The following GRIP2 variants were observed in gnomAD, a reference collection of about 807,000 sequenced individuals.
GRIP2 encodes the protein glutamate receptor-interacting protein 2.
In GRIP2, 58 loss-of-function variants were observed where a neutral mutation model predicts 108.3. That is an observed-to-expected ratio of 0.54 (90% CI 0.43 to 0.67). The LOEUF (loss-of-function observed/expected upper bound fraction) is 0.67, where lower values mean the gene tolerates loss of function less well. Ranked by LOEUF, GRIP2 falls within the 30% of genes least tolerant of loss-of-function variation. GRIP2 has a pLI of 0.00. For synonymous variants in GRIP2, 586 were observed against 598.2 expected, an observed-to-expected ratio of 0.98 and a Z score of 0.30; for missense variants, 1,278 against 1,430.6, an observed-to-expected ratio of 0.89 and a Z score of 1.72.
intron 8 of GRIP2, 30 bp from the exon 9 acceptor site, chr3:14,520,309 C>G: frequency 6.2e-7 from 1 of 1,611,588 alleles, no homozygotes; most frequent in South Asian, 1.1e-5. Context: ...AAGGCGGAGG[C>G]TGGTCCAGGC....
chr3:14,585,464 A>G, the GRIP2 span, among the ~76,000 whole-genome samples: 1 of 152,250 alleles, frequency 6.6e-6, no homozygotes, highest in Admixed American at 6.5e-5. Flanking sequence ...TCACACGTAA[A>G]GGGCAGTTCA....
chr3:14,493,856 C>T, intron 23 of GRIP2, 30 bp from the exon 24 acceptor site: 3 of 1,594,078 alleles, frequency 1.9e-6, no homozygotes, highest in South Asian at 2.2e-5. Flanking sequence ...GGGAACAGAA[C>T]CGAGATGTCA....
At chr3:14,577,465 C>T in the GRIP2 span, among the ~76,000 whole-genome samples, 1 of 152,184 alleles carries the variant, frequency 6.6e-6, no homozygotes, top group African/African-American at 2.4e-5. Context: ...TCAGTGGAGT[C>T]AAATGACAGT....
the GRIP2 span, among the ~76,000 whole-genome samples, chr3:14,602,475 A>T: frequency 3.3e-5 from 5 of 150,462 alleles, no homozygotes; most frequent in Non-Finnish European, 7.4e-5. This position sits in a 1 kb window ranked among gnomAD's most constrained non-coding sequence, Gnocchi z 4.7. Flanking sequence ...GGGCCAAAGG[A>T]CCCCCACCGT....
upstream of GRIP2, among the ~76,000 whole-genome samples, chr3:14,559,820 G>A (rs1016816230): frequency 1.3e-5 from 2 of 152,154 alleles, no homozygotes; most frequent in Admixed American, 6.5e-5. Context: ...CAGTTTCCCC[G>A]TCTGAACACT....
chr3:14,525,419 G>A lies in GRIP2; in HGVS notation c.257+18C>T. 1 of 1,610,042 alleles carries A rather than the reference G, an allele frequency of 6.2e-7. No homozygotes were observed. The highest frequency in any genetic ancestry group is 8.5e-7 in the Non-Finnish European group (1 of 1,179,634). On this transcript the variant is annotated intron_variant, in intron 3 of 23. Coordinates refer to ENST00000621039, the MANE Select transcript of GRIP2 (RefSeq NM_001080423.4). Reference sequence around the variant, plus strand: ...CTCTGCACCCCCCTCCTGCGGCCGTGCCAAGCCCACTTCTCACCTGGCTGC... The same window carrying A: ...CTCTGCACCCCCCTCCTGCGGCCGTACCAAGCCCACTTCTCACCTGGCTGC...
At chr3:14,592,253 T>C in the GRIP2 span, among the ~76,000 whole-genome samples, 3 of 152,294 alleles carry the variant, frequency 2.0e-5, no homozygotes, top group Non-Finnish European at 2.9e-5. Flanking sequence ...GATAGGACCA[T>C]GCAGAAGTAA....
chr3:14,558,590 C>G (rs913329564), upstream of GRIP2, among the ~76,000 whole-genome samples: 1 of 152,178 alleles, frequency 6.6e-6, no homozygotes, highest in Non-Finnish European at 1.5e-5. Flanking sequence ...AGGCAGAGTT[C>G]CGACCTGGTG....
At chr3:14,508,765 A>T (rs1694000146) in intron 17 of GRIP2, among the ~76,000 whole-genome samples, 1 of 152,184 alleles carries the variant, frequency 6.6e-6, no homozygotes, top group Non-Finnish European at 1.5e-5. Context: ...AAAAGAATAT[A>T]AGACATGTTC....
At chr3:14,562,808 C>T in the GRIP2 span, among the ~76,000 whole-genome samples, 7 of 152,262 alleles carry the variant, frequency 4.6e-5, no homozygotes, top group East Asian at 3.9e-4. Context: ...GCATTACGTG[C>T]GCCAGATGGG....
upstream of GRIP2, among the ~76,000 whole-genome samples, chr3:14,559,543 G>A (rs552999488): frequency 2.8e-4 from 42 of 152,132 alleles, no homozygotes; most frequent in African/African-American, 9.9e-4. Context: ...AACTGTGGGA[G>A]GCAGTGGTCG....
At position 14,522,484 on chromosome 3, in the gene GRIP2, G is replaced by C. The variant is rs1180648418; in HGVS notation, c.566+516C>G. On this transcript the variant is annotated intron_variant, in intron 6 of 23. Transcript: ENST00000621039. This position sits in a 1 kb window ranked among gnomAD's most constrained non-coding sequence, Gnocchi z 4.3. ...GCCGTTCCAGGCTTCTCTTAAAATGGCCAGGAATCTCCCACTGGGGAGGCC... is the reference window on the plus strand; with the variant it reads ...GCCGTTCCAGGCTTCTCTTAAAATGCCCAGGAATCTCCCACTGGGGAGGCC... 6.4e-6 allele frequency: 1 copy of C among 155,396 alleles called. No individual in the cohort carries two copies. Among genetic ancestry groups the C allele is most frequent in the African/African-American group, 2.4e-5 (1 of 41,464 alleles). The allele number at this position is 155,396 out of a possible 1,614,324, so 9.6% of individuals were successfully genotyped here.
Position 14,489,352 on chromosome 3 carries a change from T to C in GRIP2, c.*4313A>G, listed in dbSNP as rs910028135. The C allele has an allele frequency of 1.0e-4, 16 of 152,636 alleles. No individual in the cohort carries two copies. Among genetic ancestry groups the C allele is most frequent in the Admixed American group, 9.8e-4 (15 of 15,280 alleles). The allele number at this position is 152,636 out of a possible 1,614,324, so 9.5% of individuals were successfully genotyped here. A position where few individuals can be genotyped will look rare whatever the true frequency, so the allele number is the denominator to read the frequency against. ...AACATTTCCTTTTTAACATCCAACA[T>C]GTGTGGGTTGTGTTCTGGTGAGGTA... On this transcript the variant is annotated 3_prime_UTR_variant, in exon 24 of 24. Coordinates refer to ENST00000621039, the MANE Select transcript of GRIP2 (RefSeq NM_001080423.4).
chr3:14,580,906 A>C, the GRIP2 span, among the ~76,000 whole-genome samples: 1 of 152,200 alleles, frequency 6.6e-6, no homozygotes, highest in Non-Finnish European at 1.5e-5. Flanking sequence ...ATTAAGAGCA[A>C]AGATTGAGAT....
chr3:14,573,866 C>G, the GRIP2 span: 1 of 1,333,434 alleles, frequency 7.5e-7, no homozygotes. Flanking sequence ...TGGGCGAGCA[C>G]TCCTCCTCCG....
At chr3:14,585,840 G>A in the GRIP2 span, among the ~76,000 whole-genome samples, 1 of 152,106 alleles carries the variant, frequency 6.6e-6, no homozygotes, top group Non-Finnish European at 1.5e-5. Flanking sequence ...GGTCCCTTCA[G>A]CCTAAAGATG....
At chr3:14,506,213 C>T (rs75032172) in intron 19 of GRIP2, among the ~76,000 whole-genome samples, 1 of 152,168 alleles carries the variant, frequency 6.6e-6, no homozygotes, top group South Asian at 2.1e-4. Flanking sequence ...ACCTACGGCC[C>T]GTAGAGGCCT....
the GRIP2 span, among the ~76,000 whole-genome samples, chr3:14,594,459 C>T: frequency 3.3e-5 from 5 of 152,210 alleles, no homozygotes; most frequent in East Asian, 1.9e-4. Context: ...AGCCTTCCTT[C>T]CCTGGGGAAA....
In GRIP2 at chr3:14,521,863, G is replaced by A. The variant is rs1487300237; in HGVS notation, c.567-76C>T. 9 of 1,387,836 alleles carry A rather than the reference G, an allele frequency of 6.5e-6. No homozygotes were observed. The highest frequency in any genetic ancestry group is 8.6e-6 in the Non-Finnish European group (9 of 1,046,042). The allele number at this position is 1,387,836 out of a possible 1,614,324, so 86.0% of individuals were successfully genotyped here. On this transcript the variant is annotated intron_variant, in intron 6 of 23. Transcript: ENST00000621039. The surrounding 1 kb of genome is among the most constrained non-coding windows in gnomAD (Gnocchi z 5.1). ...AGCCTGTCTGGGAGGGCGCTGGGAA[G>A]CGGGACATGGAGGATGAAGAAGCAG... is the stretch of plus-strand genomic sequence containing the variant.
Sources: allele counts gnomAD v4.1 joint callset (sites outside exome capture counted in the v4.1 genomes callset), GRCh38; gene constraint gnomAD v4.1.1; non-coding constraint Gnocchi (gnomAD v3.1); transcripts MANE v1.5; gene names NCBI Gene and HGNC (gene_info 2026-07-23, HGNC 2026-07-21).